LMO1: variants seen among roughly 807,000 people sequenced by gnomAD.
LMO1 encodes LIM domain only 1, also known as rhombotin-1.
Under a neutral mutation model 18.0 loss-of-function variants are expected in LMO1, and 10 were observed. That is an observed-to-expected ratio of 0.55 (90% CI 0.34 to 0.94). The LOEUF (loss-of-function observed/expected upper bound fraction) is 0.94. Among genes scored for constraint, LMO1 ranks in the 40% least tolerant of loss-of-function variants. The pLI is 0.02. For missense variants in LMO1, 183 were observed against 205.7 expected (o/e 0.89, Z 0.68); for synonymous variants, 77 against 77.9 (o/e 0.99, Z 0.06).
At chr11:8,259,128 A>G (rs1316562279) in intron 1 of LMO1, among the ~76,000 whole-genome samples, 1 of 142,102 alleles carries the variant, frequency 7.0e-6, no homozygotes, top group Non-Finnish European at 1.6e-5. Flanking sequence ...TTTTAGCAAG[A>G]CACCGCCATC....
At chr11:8,225,404 CAAAAAAAAAAAAAA>C (rs34847129) in intron 3 of LMO1, among the ~76,000 whole-genome samples, 31 of 34,722 alleles carry the variant, frequency 8.9e-4, no homozygotes, top group East Asian at 7.8e-3. Context: ...GACTCCATCT[CAAAAAAAAAAAAAA>C]AAAAAAAAAA....
chr11:8,224,871 CA>C, intron 3 of LMO1, 150 bp from the exon 4 acceptor site: 1 of 636,524 alleles, frequency 1.6e-6, no homozygotes, highest in Non-Finnish European at 2.8e-6. Context: ...AGGGAACTGC[CA>C]AAAGTCCCCA....
At chr11:8,230,610 C>G in intron 1 of LMO1, 106 bp from the exon 2 acceptor site, 3 of 1,226,128 alleles carry the variant, frequency 2.4e-6, no homozygotes. Context: ...CTGCTGCCCC[C>G]TCTAGGTTTG....
upstream of LMO1, among the ~76,000 whole-genome samples, chr11:8,266,137 G>A (rs1254432870): frequency 6.6e-6 from 1 of 152,210 alleles, no homozygotes; most frequent in Non-Finnish European, 1.5e-5. Context: ...CTGGTGCTGT[G>A]TGTGCCCACA....
rs1277982924 is a variant in LMO1, at chr11:8,224,633, C to T, written c.454G>A (p.Glu152Lys). The T allele has an allele frequency of 1.9e-6, 3 of 1,606,674 alleles. No homozygotes were observed. The highest frequency in any genetic ancestry group is 2.6e-6 in the Non-Finnish European group (3 of 1,175,888). The change falls in exon 4 of 4, where the codon GAA (glutamate) becomes AAA (lysine). Residue 152 changes from glutamate (E) to lysine (K), a missense_variant. Glu to Lys is a moderately conservative substitution (Grantham distance 56). Transcript: ENST00000335790. ...GCCGGGCGTTACTGAACTTGGGATT[C>T]AAAGGTGCCATTGAGCTGCCCTTCC... ...YEEGQLNGTF[E>K]SQVQ
chr11:8,242,745 T>G (rs977025294), intron 1 of LMO1, among the ~76,000 whole-genome samples: 3 of 152,222 alleles, frequency 2.0e-5, no homozygotes, highest in Non-Finnish European at 4.4e-5. Context: ...CCAAGAGGCC[T>G]GCAGTCTCCA....
intron 1 of LMO1, among the ~76,000 whole-genome samples, chr11:8,235,894 A>C (rs1166827241): frequency 6.6e-6 from 1 of 152,204 alleles, no homozygotes; most frequent in East Asian, 1.9e-4. Flanking sequence ...GATTAGTGTC[A>C]CTCTCCTCAA....
At chr11:8,232,027 G>A (rs368330587) in intron 1 of LMO1, among the ~76,000 whole-genome samples, 101 of 152,230 alleles carry the variant, frequency 6.6e-4, no homozygotes, top group African/African-American at 2.4e-3. Flanking sequence ...GTCAGCCACC[G>A]TCAAGCTGGC....
chr11:8,266,386 C>G (rs1262899698), upstream of LMO1, among the ~76,000 whole-genome samples: 3 of 151,734 alleles, frequency 2.0e-5, no homozygotes, highest in Non-Finnish European at 4.4e-5. Context: ...GCTCACCCCA[C>G]CCAAGCTGCT....
At chr11:8,260,588 T>A (rs1847169629) in intron 1 of LMO1, among the ~76,000 whole-genome samples, 1 of 152,212 alleles carries the variant, frequency 6.6e-6, no homozygotes, top group South Asian at 2.1e-4. Context: ...AAAAAAATTT[T>A]TTTTTTCTGA....
At chr11:8,229,369 C>A (rs1952609603) in intron 2 of LMO1, among the ~76,000 whole-genome samples, 1 of 152,186 alleles carries the variant, frequency 6.6e-6, no homozygotes, top group Non-Finnish European at 1.5e-5. Flanking sequence ...TAACCTCCCC[C>A]TTGCAACATG....
intron 1 of LMO1, among the ~76,000 whole-genome samples, chr11:8,242,494 T>C (rs1378179125): frequency 6.6e-6 from 1 of 152,190 alleles, no homozygotes; most frequent in Non-Finnish European, 1.5e-5. Context: ...AAGCGACCCC[T>C]GGAGTTTGCT....
chr11:8,229,840 T>C (rs1952620305), intron 2 of LMO1, among the ~76,000 whole-genome samples: 1 of 152,156 alleles, frequency 6.6e-6, no homozygotes, highest in African/African-American at 2.4e-5. Context: ...CCAAGGACCA[T>C]CTAGAAAGGA....
upstream of LMO1, chr11:8,268,777 C>T (rs1457848685): frequency 1.0e-5 from 2 of 196,614 alleles, no homozygotes; most frequent in East Asian, 1.1e-4. Context: ...CCGTACTCGC[C>T]TCAGCAGAGT....
intron 1 of LMO1, among the ~76,000 whole-genome samples, chr11:8,262,171 ACT>A (rs1322455684): frequency 6.6e-6 from 1 of 152,162 alleles, no homozygotes; most frequent in Non-Finnish European, 1.5e-5. Flanking sequence ...CCCAGCAGAG[ACT>A]CCTGAACGGA....
intron 1 of LMO1, among the ~76,000 whole-genome samples, chr11:8,233,738 G>A (rs1017764268): frequency 1.7e-5 from 2 of 119,722 alleles, no homozygotes; most frequent in Non-Finnish European, 3.4e-5. Flanking sequence ...CCCCCCTGCA[G>A]ACACCTCTTC....
chr11:8,240,372 G>A (rs751050785), intron 1 of LMO1, among the ~76,000 whole-genome samples: 21 of 152,196 alleles, frequency 1.4e-4, no homozygotes, highest in Admixed American at 5.9e-4. Context: ...GGACTGAGGA[G>A]TTTCCACACA....
intron 1 of LMO1, among the ~76,000 whole-genome samples, chr11:8,260,285 T>TGGTGCCAGCCCAAGCCGCA: frequency 6.6e-6 from 1 of 152,296 alleles, no homozygotes; most frequent in Non-Finnish European, 1.5e-5. Context: ...GCTCACCACC[T>TGGTGCCAGCCCAAGCCGCA]GGTGCCAGCC....
chr11:8,232,499 A>G (rs1952683611), intron 1 of LMO1, among the ~76,000 whole-genome samples: 1 of 152,180 alleles, frequency 6.6e-6, no homozygotes, highest in Non-Finnish European at 1.5e-5. Flanking sequence ...GGCCTCCCAG[A>G]GTGGGACCTG....
Sources: allele counts gnomAD v4.1 joint callset (sites outside exome capture counted in the v4.1 genomes callset), GRCh38; gene constraint gnomAD v4.1.1; transcripts MANE v1.5; gene names NCBI Gene and HGNC (gene_info 2026-07-23, HGNC 2026-07-21).